NT5DC3: variants seen among roughly 807,000 people sequenced by gnomAD.
NT5DC3 encodes 5'-nucleotidase domain-containing protein 3.
A neutral mutation model predicts 67.8 loss-of-function variants in NT5DC3; 42 were observed. That is an observed-to-expected ratio of 0.62 (90% confidence interval 0.48 to 0.80). NT5DC3 has a LOEUF of 0.80. Among genes scored for constraint, NT5DC3 ranks in the 30% least tolerant of loss-of-function variants. The pLI is 0.00. For missense variants in NT5DC3, 570 were observed against 696.4 expected (o/e 0.82, Z 2.04); for synonymous variants, 237 against 255.6 (o/e 0.93, Z 0.69).
intron 12 of NT5DC3, among the ~76,000 whole-genome samples, chr12:103,783,185 C>T (rs1885630735): frequency 6.6e-6 from 1 of 152,196 alleles, no homozygotes; most frequent in Non-Finnish European, 1.5e-5. Flanking sequence ...TCTAAGGGAA[C>T]ACTGAGGAAG....
chr12:103,832,640 G>C (rs1302522836), intron 1 of NT5DC3, among the ~76,000 whole-genome samples: 5 of 152,092 alleles, frequency 3.3e-5, no homozygotes, highest in African/African-American at 1.2e-4. Flanking sequence ...GGCAATTACA[G>C]AAAATCATAA....
chr12:103,838,872 T>C (rs1007257449), intron 1 of NT5DC3, among the ~76,000 whole-genome samples: 40 of 152,212 alleles, frequency 2.6e-4, no homozygotes, highest in African/African-American at 7.2e-4. Context: ...TTACATACTG[T>C]ATGACTCCAT....
chr12:103,763,427 C>A, the NT5DC3 span: 1 of 1,479,520 alleles, frequency 6.8e-7, no homozygotes, highest in Non-Finnish European at 9.4e-7. Context: ...CTTTACCTGC[C>A]AACTTGGCTG....
chr12:103,797,170 T>C, intron 5 of NT5DC3, 139 bp from the exon 6 acceptor site: 1 of 931,390 alleles, frequency 1.1e-6, no homozygotes, highest in South Asian at 1.7e-5. Flanking sequence ...AAAGTTCTAA[T>C]AATAAAAAAG....
intron 1 of NT5DC3, among the ~76,000 whole-genome samples, chr12:103,828,345 A>C (rs1887779940): frequency 6.6e-6 from 1 of 152,208 alleles, no homozygotes; most frequent in Non-Finnish European, 1.5e-5. Context: ...TGACCTCCAG[A>C]GGCCCCTCCA....
chr12:103,769,708 CA>C (rs1885139487), downstream of NT5DC3, among the ~76,000 whole-genome samples: 1 of 152,264 alleles, frequency 6.6e-6, no homozygotes, highest in Non-Finnish European at 1.5e-5. Flanking sequence ...CGCAGCTATT[CA>C]GAAAGATATA....
intron 1 of NT5DC3, chr12:103,819,601 C>A (rs1228265493): frequency 1.3e-5 from 2 of 152,198 alleles, no homozygotes; most frequent in Non-Finnish European, 2.9e-5. Flanking sequence ...GAGCTGTGCA[C>A]CCTCCAGCAC....
rs1886821636 is a variant in NT5DC3 at position 103,806,851 on chromosome 12, C to A, written c.468+4G>T. ...CCATAGAAAAACAGGAGAAGTAAACCTACCCGCTGTACATCATAATGAAGT... is the reference window on the plus strand; with the variant it reads ...CCATAGAAAAACAGGAGAAGTAAACATACCCGCTGTACATCATAATGAAGT... On this transcript the variant is annotated splice_donor_region_variant and intron_variant, in intron 3 of 13. Transcript: ENST00000392876. 1 of 1,577,064 alleles carries A rather than the reference C, an allele frequency of 6.3e-7. No individual in the cohort carries two copies. Among genetic ancestry groups the A allele is most frequent in the Admixed American group, 1.7e-5 (1 of 59,874 alleles).
rs59680009 is a variant in NT5DC3, at chr12:103,776,674, C to CAAAAAAAAAAAAAAAA, written c.*1154_*1155insTTTTTTTTTTTTTTTT. On this transcript the variant is annotated 3_prime_UTR_variant, in exon 14 of 14. Transcript: ENST00000392876. ...ACATCTAAAAAAAAACAAAACAAAA[C>CAAAAAAAAAAAAAAAA]AAAAAAAAAAAAAACAAACTACACA... is the stretch of plus-strand genomic sequence containing the variant. 7.4e-6 allele frequency: 1 copy of CAAAAAAAAAAAAAAAA among 134,790 alleles called. No individual in the cohort carries two copies. 8.3% of individuals were successfully genotyped at this position (134,790 alleles called of 1,614,324 possible).
chr12:103,765,994 T>TA (rs1309222441), downstream of NT5DC3: 1 of 543,002 alleles, frequency 1.8e-6, no homozygotes, highest in Admixed American at 2.4e-5. Context: ...TTAATCCTCC[T>TA]ACCTCCCTGT....
At chr12:103,804,165 A>G (rs1805841779) in intron 4 of NT5DC3, among the ~76,000 whole-genome samples, 1 of 152,194 alleles carries the variant, frequency 6.6e-6, no homozygotes, top group Non-Finnish European at 1.5e-5. Flanking sequence ...TATTACCATC[A>G]TCACCACCAC....
rs1307181566 is a variant in NT5DC3 at position 103,814,688 on chromosome 12, T to C, written c.393+249A>G. Among the ~76,000 whole-genome samples, 6 of 152,176 alleles carry C rather than the reference T, an allele frequency of 3.9e-5. No individual in the cohort carries two copies. In the East Asian group the frequency reaches 1.2e-3, roughly 29 times the overall value. On this transcript the variant is annotated intron_variant, in intron 2 of 13. Transcript: ENST00000392876. ...ATTCTGTGAAAGACGAGAGTGTAAA[T>C]ATCTACAGCCAAATCTCCACTAATG...
intron 2 of NT5DC3, among the ~76,000 whole-genome samples, chr12:103,811,392 G>C (rs1009325834): frequency 6.6e-6 from 1 of 152,154 alleles, no homozygotes; most frequent in South Asian, 2.1e-4. Context: ...GAGGGGAGGA[G>C]AGGAGACGGC....
intron 1 of NT5DC3, among the ~76,000 whole-genome samples, chr12:103,828,467 G>A (rs886466584): frequency 2.0e-5 from 3 of 152,174 alleles, no homozygotes; most frequent in South Asian, 2.1e-4. Context: ...TTTCTTGTAC[G>A]ACCACAGGAT....
At chr12:103,814,190 G>A (rs1188824724) in intron 2 of NT5DC3, among the ~76,000 whole-genome samples, 2 of 152,204 alleles carry the variant, frequency 1.3e-5, no homozygotes, top group Non-Finnish European at 2.9e-5. Context: ...TTGGCACAAG[G>A]AGGCTTAAGA....
rs1371786746 is a variant in NT5DC3, at chr12:103,785,464, T to C, written c.1200A>G (p.Leu400=). 1 of 1,614,026 alleles carries C rather than the reference T, an allele frequency of 6.2e-7. No homozygotes were observed. Among genetic ancestry groups the C allele is most frequent in the East Asian group, 2.2e-5 (1 of 44,894 alleles). ...TTGCACCAGTCCTCCAGCCATGCTTTAGGGTCAAATCCTGATCACAAAGAT... is the reference window on the plus strand; with the variant it reads ...TTGCACCAGTCCTCCAGCCATGCTTCAGGGTCAAATCCTGATCACAAAGAT... ...HIYSDLADLT[L]KHGWRTGAII... Residue 400 remains leucine (L), a synonymous_variant, in exon 12 of 14, where the codon CTA becomes CTG. Coordinates refer to ENST00000392876, the MANE Select transcript of NT5DC3 (RefSeq NM_001031701.3).
chr12:103,763,789 C>G, the NT5DC3 span: 1 of 557,896 alleles, frequency 1.8e-6, no homozygotes, highest in Non-Finnish European at 3.2e-6. Flanking sequence ...GCTCAGAGTT[C>G]CTGGGTTCTC....
the NT5DC3 span, chr12:103,748,895 T>C: frequency 2.0e-6 from 3 of 1,537,322 alleles, no homozygotes; most frequent in African/African-American, 2.7e-5. Flanking sequence ...TGGTGCCCCA[T>C]ACCCTGACCT....
chr12:103,782,178 C>T (rs897527993), intron 12 of NT5DC3, among the ~76,000 whole-genome samples: 2 of 151,988 alleles, frequency 1.3e-5, no homozygotes, highest in Non-Finnish European at 2.9e-5. Context: ...GAGACCAGCC[C>T]GGCCAACATG....
Sources: gnomAD v4.1 joint callset for allele counts (sites outside exome capture counted in the v4.1 genomes callset) on GRCh38, gnomAD v4.1.1 for gene constraint, MANE v1.5 for transcripts, NCBI Gene and HGNC (gene_info 2026-07-23, HGNC 2026-07-21) for gene names.